Variants in RHEB observed in about 807,000 individuals in gnomAD.
RHEB encodes the protein GTP-binding protein Rheb.
In RHEB, 2 loss-of-function variants were observed where a neutral mutation model predicts 28.8. That is an observed-to-expected ratio of 0.07 (90% CI 0.03 to 0.22). RHEB has a LOEUF of 0.22. Among genes scored for constraint, RHEB ranks in the 10% least tolerant of loss-of-function variants. RHEB has a pLI of 1.00. For synonymous variants in RHEB, 69 were observed against 77.3 expected (o/e 0.89, Z 0.56); for missense variants, 76 against 219.9 (o/e 0.35, Z 4.14).
intron 2 of RHEB, among the ~76,000 whole-genome samples, chr7:151,489,626 C>T (rs1244427973): frequency 6.6e-6 from 1 of 152,170 alleles, no homozygotes; most frequent in East Asian, 1.9e-4. Context: ...GCTTTGTAGG[C>T]CACCTGGTCT....
chr7:151,490,859 A>T, intron 2 of RHEB, 84 bp downstream of exon 2: 1 of 1,007,558 alleles, frequency 9.9e-7, no homozygotes, highest in Non-Finnish European at 1.6e-6. Context: ...TACCTCCTGC[A>T]CTCAAAGCCT....
At chr7:151,507,343 C>T (rs929672733) in intron 1 of RHEB, among the ~76,000 whole-genome samples, 4 of 152,004 alleles carry the variant, frequency 2.6e-5, no homozygotes, top group East Asian at 3.9e-4. Flanking sequence ...GTTGCTTTTT[C>T]GAGAGGGAGG....
chr7:151,472,529 C>A lies in RHEB; in HGVS notation c.276-924G>T, dbSNP rs1215225933. 6.6e-6 allele frequency among the ~76,000 whole-genome samples: 1 copy of A among 152,212 alleles called. No homozygotes were observed. Among genetic ancestry groups the A allele is most frequent in the Non-Finnish European group, 1.5e-5 (1 of 68,042 alleles). The stretch of plus-strand genomic sequence containing the variant: ...AAGTGCTGGGATTACAGGCGTGAGC[C>A]ACCACACCCAGCCTCAAATGTCACT... On this transcript the variant is annotated intron_variant, in intron 4 of 7. Transcript: ENST00000262187. This position sits in a 1 kb window ranked among gnomAD's most constrained non-coding sequence, Gnocchi z 5.2.
chr7:151,506,811 G>A (rs1434674516), intron 1 of RHEB, among the ~76,000 whole-genome samples: 1 of 152,158 alleles, frequency 6.6e-6, no homozygotes, highest in Non-Finnish European at 1.5e-5. Context: ...TCAACGCTGG[G>A]CTCACTTTTA....
At chr7:151,493,528 T>C (rs1357564991) in intron 1 of RHEB, among the ~76,000 whole-genome samples, 3 of 152,224 alleles carry the variant, frequency 2.0e-5, no homozygotes, top group Non-Finnish European at 4.4e-5. Flanking sequence ...ATTGTAAACA[T>C]TGAGATTTCT....
chr7:151,476,466 T>C (rs1802274689), intron 4 of RHEB, among the ~76,000 whole-genome samples: 1 of 152,232 alleles, frequency 6.6e-6, no homozygotes, highest in Non-Finnish European at 1.5e-5. Flanking sequence ...ACTGGAGAGA[T>C]GGCTATGAAT....
At chr7:151,502,249 G>A (rs75053101) in intron 1 of RHEB, 6 of 515,576 alleles carry the variant, frequency 1.2e-5, no homozygotes, top group African/African-American at 2.0e-5. Context: ...AAAAAAAAAG[G>A]AGCTTGGAGG....
chr7:151,478,153 T>C (rs1802303669), intron 3 of RHEB, among the ~76,000 whole-genome samples: 1 of 152,172 alleles, frequency 6.6e-6, no homozygotes, highest in Non-Finnish European at 1.5e-5. Flanking sequence ...ATACAGAAAG[T>C]TCTGATGTCA....
intron 1 of RHEB, among the ~76,000 whole-genome samples, chr7:151,515,664 A>C (rs1438274874): frequency 6.6e-6 from 1 of 152,244 alleles, no homozygotes; most frequent in Non-Finnish European, 1.5e-5. Context: ...TCAATTTTTC[A>C]ATAAAAAGTG....
intron 2 of RHEB, among the ~76,000 whole-genome samples, chr7:151,486,872 A>G (rs1006102647): frequency 1.3e-5 from 2 of 152,220 alleles, no homozygotes; most frequent in Non-Finnish European, 2.9e-5. Context: ...AAGAGTCAGG[A>G]TGACTCCAAA....
At chr7:151,484,424 C>T (rs1458281143) in intron 3 of RHEB, among the ~76,000 whole-genome samples, 2 of 152,134 alleles carry the variant, frequency 1.3e-5, no homozygotes, top group African/African-American at 4.8e-5. Context: ...TTAGAAAAGA[C>T]CAAGTAGACA....
At chr7:151,490,058 C>A (rs953640459) in intron 2 of RHEB, among the ~76,000 whole-genome samples, 21 of 152,204 alleles carry the variant, frequency 1.4e-4, no homozygotes, top group Non-Finnish European at 1.5e-5. Context: ...ATCTGAGAAA[C>A]CTAGTTCCAG....
chr7:151,510,922 TA>T (rs572133582), intron 1 of RHEB, among the ~76,000 whole-genome samples: 1 of 151,050 alleles, frequency 6.6e-6, no homozygotes, highest in Non-Finnish European at 1.5e-5. Context: ...TACAAAAAAA[TA>T]AAAAAATAGC....
intron 1 of RHEB, among the ~76,000 whole-genome samples, chr7:151,515,214 CATT>C (rs772228114): frequency 6.6e-6 from 1 of 152,024 alleles, no homozygotes; most frequent in East Asian, 1.9e-4. Flanking sequence ...ACCTTGAAAA[CATT>C]ATACTAAGTA....
intron 1 of RHEB, among the ~76,000 whole-genome samples, chr7:151,515,270 T>C (rs142126641): frequency 8.1e-4 from 124 of 152,306 alleles, no homozygotes; most frequent in African/African-American, 2.9e-3. Flanking sequence ...TGTTCTTATT[T>C]ATATGAAATG....
intron 1 of RHEB, among the ~76,000 whole-genome samples, chr7:151,511,778 G>A (rs1443844046): frequency 6.6e-6 from 1 of 151,862 alleles, no homozygotes; most frequent in Non-Finnish European, 1.5e-5. Flanking sequence ...AGCCTCCCTA[G>A]TAGCTGGGAT....
chr7:151,483,174 C>T (rs1170654711), intron 3 of RHEB, among the ~76,000 whole-genome samples: 2 of 152,324 alleles, frequency 1.3e-5, no homozygotes, highest in South Asian at 4.1e-4. Context: ...AAAATGGAAA[C>T]CTCAGGGTTC....
intron 1 of RHEB, among the ~76,000 whole-genome samples, chr7:151,496,230 T>C (rs1349176425): frequency 6.6e-6 from 1 of 152,148 alleles, no homozygotes; most frequent in East Asian, 1.9e-4. Flanking sequence ...ATCCTCTCCA[T>C]GCAACTTCAG....
chr7:151,507,430 T>C (rs1802904711), intron 1 of RHEB, among the ~76,000 whole-genome samples: 1 of 152,222 alleles, frequency 6.6e-6, no homozygotes. Context: ...GGAAGTGTTT[T>C]GAAAAGATGT....
Sources: allele counts gnomAD v4.1 joint callset (sites outside exome capture counted in the v4.1 genomes callset), GRCh38; gene constraint gnomAD v4.1.1; non-coding constraint Gnocchi (gnomAD v3.1); transcripts MANE v1.5; gene names NCBI Gene and HGNC (gene_info 2026-07-23, HGNC 2026-07-21).